The following TRAF3IP1 variants were observed in gnomAD, a reference collection of about 807,000 sequenced individuals.
The protein encoded by TRAF3IP1 is intraflagellar transport 54.
A neutral mutation model predicts 89.9 loss-of-function variants in TRAF3IP1; 53 were observed. The ratio of observed to expected loss-of-function variants is 0.59; its 90% CI spans 0.47 to 0.74. TRAF3IP1 has a LOEUF of 0.74. Among genes scored for constraint, TRAF3IP1 ranks in the 30% least tolerant of loss-of-function variants. The pLI, the probability that TRAF3IP1 is intolerant of heterozygous loss-of-function variation, is 0.00. For synonymous variants in TRAF3IP1, 311 were observed against 322.1 expected, an observed-to-expected ratio of 0.97 and a Z score of 0.37; for missense variants, 806 against 866.1, an observed-to-expected ratio of 0.93 and a Z score of 0.87.
In TRAF3IP1 at chr2:238,386,763, C is replaced by T. The variant is rs115757810; in HGVS notation, c.1690-10696C>T. Reference sequence around the variant, plus strand: ...CAGAAAGGCCAGTTTGAAGATTTCTCTGTTTTGTGTTCTGATCTTTTGCCT... The same window carrying T: ...CAGAAAGGCCAGTTTGAAGATTTCTTTGTTTTGTGTTCTGATCTTTTGCCT... On this transcript the variant is annotated intron_variant, in intron 15 of 16. Transcript: ENST00000373327. Among the ~76,000 whole-genome samples, 375 of 152,306 alleles carry T rather than the reference C, an allele frequency of 2.5e-3. 1 individual carries two copies. Among genetic ancestry groups the T allele is most frequent in the African/African-American group, 8.5e-3 (353 of 41,566 alleles).
At chr2:238,398,609 G>A in intron 16 of TRAF3IP1, 145 bp from the exon 17 acceptor site, 2 of 890,716 alleles carry the variant, frequency 2.2e-6, no homozygotes, top group Non-Finnish European at 3.2e-6. Flanking sequence ...GTTGTAGCAG[G>A]GGTTGTGAAA....
intron 15 of TRAF3IP1, among the ~76,000 whole-genome samples, chr2:238,376,436 C>T (rs915940910): frequency 6.6e-6 from 1 of 152,166 alleles, no homozygotes; most frequent in African/African-American, 2.4e-5. Flanking sequence ...GGTAGCAAAG[C>T]CCCTGCCGCC....
In TRAF3IP1 at chr2:238,325,287, C is replaced by G; in HGVS notation, c.124-19C>G. 6.2e-7 allele frequency: 1 copy of G among 1,613,912 alleles called. No homozygotes were observed. On this transcript the variant is annotated intron_variant, in intron 1 of 16. Transcript: ENST00000373327. ...GCTGTCTGTGAGGTGACATGGTGGC[C>G]TTTCTTTCTCTCTTGAAGGTGATTA...
In TRAF3IP1 at chr2:238,368,133, G is replaced by T. The variant is rs188606545; in HGVS notation, c.1689+12053G>T. On this transcript the variant is annotated intron_variant, in intron 15 of 16. Transcript: ENST00000373327. ...TTGCTGTCTGTTTCTGACCTGAAAAGCAGCTTCCAGTGAAGAGCTATCACT... is the reference window on the plus strand; with the variant it reads ...TTGCTGTCTGTTTCTGACCTGAAAATCAGCTTCCAGTGAAGAGCTATCACT... Among the ~76,000 whole-genome samples the T allele has an allele frequency of 6.6e-5, 10 of 152,268 alleles. No homozygotes were observed. In the East Asian group the frequency reaches 1.9e-3, roughly 29 times the overall value.
chr2:238,367,687 C>T (rs1699942319), intron 15 of TRAF3IP1, among the ~76,000 whole-genome samples: 1 of 152,124 alleles, frequency 6.6e-6, no homozygotes, highest in Admixed American at 6.5e-5. Context: ...CCACGCATGG[C>T]CTCCTGCACC....
At chr2:238,357,766 C>T (rs1209958199) in intron 15 of TRAF3IP1, among the ~76,000 whole-genome samples, 1 of 152,206 alleles carries the variant, frequency 6.6e-6, no homozygotes, top group African/African-American at 2.4e-5. Flanking sequence ...GAATGTGTCC[C>T]TCCAGGCTCC....
Position 238,351,146 on chromosome 2 carries a change from G to T in TRAF3IP1, c.1452-1681G>T, listed in dbSNP as rs1443651792. On this transcript the variant is annotated intron_variant, in intron 12 of 16. Coordinates refer to ENST00000373327, the MANE Select transcript of TRAF3IP1 (RefSeq NM_015650.4). The surrounding 1 kb of genome is among the most constrained non-coding windows in gnomAD (Gnocchi z 5.2). ...CTTGCTGTTAGTGGTAGTGACAGGG[G>T]TGCCCCTGGGAGTGGGCGTCGAGTG... 6.6e-6 allele frequency among the ~76,000 whole-genome samples: 1 copy of T among 152,116 alleles called. No homozygotes were observed. Among genetic ancestry groups the T allele is most frequent in the African/African-American group, 2.4e-5 (1 of 41,414 alleles).
rs765121486 is a variant in TRAF3IP1, at chr2:238,345,660, G to A, written c.1261+1062G>A. On this transcript the variant is annotated intron_variant, in intron 9 of 16. Coordinates refer to ENST00000373327, the MANE Select transcript of TRAF3IP1 (RefSeq NM_015650.4). The surrounding 1 kb of genome is among the most constrained non-coding windows in gnomAD (Gnocchi z 4.7). ...AGAGAGAGGCCTGGACTGTGGAGGC[G>A]CCCTGGGAGGGGAGAAGTGGTAGGA... 9.8e-5 allele frequency among the ~76,000 whole-genome samples: 15 copies of A among 152,304 alleles called. No individual in the cohort carries two copies. The highest frequency in any genetic ancestry group is 3.4e-3 in the Middle Eastern group (1 of 294).
intron 8 of TRAF3IP1, 124 bp from the exon 9 acceptor site, chr2:238,344,373 T>TGCA: frequency 9.3e-6 from 7 of 755,960 alleles, no homozygotes; most frequent in Non-Finnish European, 1.5e-5. Flanking sequence ...CAGTCCTTTG[T>TGCA]CAGTCCTAAC....
intron 15 of TRAF3IP1, among the ~76,000 whole-genome samples, chr2:238,393,843 TTC>T (rs1701098855): frequency 2.0e-5 from 3 of 152,206 alleles, no homozygotes; most frequent in South Asian, 2.1e-4. Context: ...GGATTCTGTG[TTC>T]TGTTCATTTG....
At chr2:238,356,180 A>G (rs1191044752) in intron 15 of TRAF3IP1, 100 bp downstream of exon 15, 4 of 968,260 alleles carry the variant, frequency 4.1e-6, no homozygotes, top group Admixed American at 4.1e-5. Context: ...TACCATTATC[A>G]GTGATGTCTG....
At chr2:238,325,279 A>G (rs765720912) in intron 1 of TRAF3IP1, 27 bp from the exon 2 acceptor site, 3 of 1,612,780 alleles carry the variant, frequency 1.9e-6, no homozygotes, top group Admixed American at 1.7e-5. Flanking sequence ...GTGAGGTGAC[A>G]TGGTGGCCTT....
chr2:238,325,458 A>G (rs930160526), intron 2 of TRAF3IP1, 84 bp downstream of exon 2: 1 of 1,365,508 alleles, frequency 7.3e-7, no homozygotes. Flanking sequence ...GGCTTGTGTC[A>G]TTTCTCTGCT....
chr2:238,367,180 A>AAAG (rs1165025847), intron 15 of TRAF3IP1, among the ~76,000 whole-genome samples: 3 of 150,730 alleles, frequency 2.0e-5, no homozygotes, highest in Non-Finnish European at 3.0e-5. Context: ...AAAAAAAAAA[A>AAAG]AAAAAAAAAG....
At chr2:238,341,206 A>G (rs1342186366) in intron 8 of TRAF3IP1, among the ~76,000 whole-genome samples, 2 of 140,348 alleles carry the variant, frequency 1.4e-5, no homozygotes, top group Non-Finnish European at 3.1e-5. Context: ...TTTTTTTTGT[A>G]GAGAGAGCAT....
chr2:238,325,809 G>C lies in TRAF3IP1; in HGVS notation c.193G>C (p.Asp65His), dbSNP rs1255365750. ...TGTATTTTCAATGGAAATGTTTCAG[G>C]ATAAAGATGCAAAAATTAGCTTCCT... ...DAEMKSDNVK[D>H]KDAKISFLQK... Residue 65 changes from aspartate (D) to histidine (H), a missense_variant and splice_region_variant, in exon 3 of 17, where the codon GAT (aspartate) becomes CAT (histidine). Coordinates refer to ENST00000373327, the MANE Select transcript of TRAF3IP1 (RefSeq NM_015650.4). 19 of 1,611,002 alleles carry C rather than the reference G, an allele frequency of 1.2e-5. 1 individual carries two copies. The highest frequency in any genetic ancestry group is 1.5e-5 in the Non-Finnish European group (18 of 1,178,954).
chr2:238,354,038 T>C (rs947262580), intron 14 of TRAF3IP1, among the ~76,000 whole-genome samples: 1 of 152,230 alleles, frequency 6.6e-6, no homozygotes, highest in Admixed American at 6.5e-5. Flanking sequence ...CCTCCCAAAG[T>C]GCTGGGATTA....
chr2:238,349,723 GA>G (rs1440961434), intron 12 of TRAF3IP1, among the ~76,000 whole-genome samples: 6 of 152,094 alleles, frequency 3.9e-5, no homozygotes, highest in Non-Finnish European at 8.8e-5. Flanking sequence ...AAAAATAGGG[GA>G]AAAAAATTAG....
chr2:238,324,566 G>A (rs2106357435), intron 1 of TRAF3IP1, among the ~76,000 whole-genome samples: 1 of 152,160 alleles, frequency 6.6e-6, no homozygotes, highest in Non-Finnish European at 1.5e-5. Flanking sequence ...TCCCTTGCAG[G>A]GGACTCTGTG....
Sources: gnomAD v4.1 joint callset for allele counts (sites outside exome capture counted in the v4.1 genomes callset) on GRCh38, gnomAD v4.1.1 for gene constraint, Gnocchi (gnomAD v3.1) non-coding constraint, MANE v1.5 for transcripts, NCBI Gene and HGNC (gene_info 2026-07-23, HGNC 2026-07-21) for gene names.